AIG1: variants seen among roughly 807,000 people sequenced by gnomAD.
AIG1 encodes the protein androgen-induced gene 1 protein.
In AIG1, 23 loss-of-function variants were observed where a neutral mutation model predicts 31.4. That is an observed-to-expected ratio of 0.73 (90% CI 0.53 to 1.04). AIG1 has a LOEUF of 1.04. AIG1 is among the 50% of genes least tolerant of loss of function. AIG1 has a pLI of 0.00. For synonymous variants in AIG1, 100 were observed against 110.5 expected, an observed-to-expected ratio of 0.90 and a Z score of 0.60; for missense variants, 274 against 295.0, an observed-to-expected ratio of 0.93 and a Z score of 0.52.
intron 1 of AIG1, among the ~76,000 whole-genome samples, chr6:143,106,499 G>A (rs10434868): frequency 0.12 from 18,906 of 152,190 alleles, 3,476 homozygotes; most frequent in African/African-American, 0.41. Context: ...GTCAGGGACT[G>A]TGTCCTGATC....
intron 1 of AIG1, among the ~76,000 whole-genome samples, chr6:143,113,740 G>A: frequency 6.6e-6 from 1 of 151,988 alleles, no homozygotes; most frequent in East Asian, 1.9e-4. Context: ...CACTGTAAAT[G>A]TTTTCTTAAC....
At chr6:143,080,397 A>G (rs1778132795) in intron 1 of AIG1, among the ~76,000 whole-genome samples, 1 of 152,198 alleles carries the variant, frequency 6.6e-6, no homozygotes, top group Non-Finnish European at 1.5e-5. Context: ...AGACAAACGT[A>G]ACAAGGAGGT....
chr6:143,244,501 A>G (rs564485684), intron 3 of AIG1, among the ~76,000 whole-genome samples: 3 of 152,354 alleles, frequency 2.0e-5, no homozygotes, highest in African/African-American at 7.2e-5. Flanking sequence ...AATTCACAGC[A>G]CACTGAGTAG....
intron 3 of AIG1, among the ~76,000 whole-genome samples, chr6:143,224,836 C>T (rs1792812383): frequency 6.6e-6 from 1 of 152,150 alleles, no homozygotes; most frequent in Admixed American, 6.5e-5. Flanking sequence ...GTAATGTTCT[C>T]CCAACCAGGT....
chr6:143,310,465 T>C (rs1457988139), intron 4 of AIG1, among the ~76,000 whole-genome samples: 1 of 151,586 alleles, frequency 6.6e-6, no homozygotes, highest in Non-Finnish European at 1.5e-5. Flanking sequence ...AAAATATAAC[T>C]CACCAAAATT....
chr6:143,117,749 G>A lies in AIG1; in HGVS notation c.142-19086G>A, dbSNP rs527596094. Among the ~76,000 whole-genome samples the A allele has an allele frequency of 5.9e-5, 9 of 152,188 alleles. No homozygotes were observed. The South Asian group carries it at 1.9e-3, about 32-fold the overall frequency. On this transcript the variant is annotated intron_variant, in intron 1 of 5. Transcript: ENST00000357847. ...AGGTAGTGATTGCAGCTGCAAAAGA[G>A]AAGAGCTCCAACGACTGAGCATTGT...
intron 1 of AIG1, among the ~76,000 whole-genome samples, chr6:143,080,432 C>T (rs538579509): frequency 5.3e-5 from 8 of 152,016 alleles, no homozygotes; most frequent in African/African-American, 1.2e-4. Flanking sequence ...TTGAAATGTA[C>T]GGCCTGAAGT....
At chr6:143,171,723 A>G (rs1010861397) in intron 3 of AIG1, among the ~76,000 whole-genome samples, 3 of 151,114 alleles carry the variant, frequency 2.0e-5, no homozygotes, top group Admixed American at 6.7e-5. Flanking sequence ...ATCAAATGGT[A>G]GATCTACTTT....
intron 1 of AIG1, among the ~76,000 whole-genome samples, chr6:143,071,276 CT>C (rs1274901045): frequency 1.3e-5 from 2 of 152,240 alleles, no homozygotes; most frequent in Non-Finnish European, 2.9e-5. Flanking sequence ...TAGTTCGTTC[CT>C]TTTTAATTGC....
chr6:143,095,901 C>CTTTTTTTTTT (rs372161832), intron 1 of AIG1, among the ~76,000 whole-genome samples: 6 of 103,714 alleles, frequency 5.8e-5, no homozygotes, highest in Non-Finnish European at 9.3e-5. Flanking sequence ...GCTACTTTAT[C>CTTTTTTTTTT]TTTTTTTTTT....
intron 1 of AIG1, among the ~76,000 whole-genome samples, chr6:143,106,550 T>G (rs1012112399): frequency 2.0e-5 from 3 of 152,214 alleles, no homozygotes; most frequent in Non-Finnish European, 4.4e-5. Context: ...CTGGTACACT[T>G]AGGCCTCCCC....
chr6:143,172,107 G>A (rs1476737898), intron 3 of AIG1, among the ~76,000 whole-genome samples: 2 of 152,092 alleles, frequency 1.3e-5, no homozygotes, highest in African/African-American at 4.8e-5. Flanking sequence ...AGTATAGATT[G>A]TGAAGATTTT....
At chr6:143,266,870 T>C (rs1352541409) in intron 3 of AIG1, among the ~76,000 whole-genome samples, 1 of 152,098 alleles carries the variant, frequency 6.6e-6, no homozygotes, top group Non-Finnish European at 1.5e-5. Context: ...GAGACCAGGA[T>C]TTCAAGGCTG....
intron 3 of AIG1, chr6:143,188,817 A>G (rs1789519508): frequency 1.6e-5 from 16 of 985,178 alleles, no homozygotes; most frequent in South Asian, 4.7e-5. Flanking sequence ...GGCAATAGCA[A>G]CTTCCCAGAA....
intron 3 of AIG1, among the ~76,000 whole-genome samples, chr6:143,233,221 T>G (rs1031169680): frequency 3.5e-4 from 54 of 152,272 alleles, no homozygotes; most frequent in Admixed American, 3.5e-3. Flanking sequence ...GCACGGACCA[T>G]CAGGGTGGCT....
chr6:143,133,870 G>C (rs1783490866), intron 1 of AIG1, among the ~76,000 whole-genome samples: 1 of 151,952 alleles, frequency 6.6e-6, no homozygotes, highest in Non-Finnish European at 1.5e-5. Context: ...ACAATTAAGT[G>C]GTCTCCAGGT....
chr6:143,088,028 G>A (rs921589046), intron 1 of AIG1, among the ~76,000 whole-genome samples: 11 of 152,164 alleles, frequency 7.2e-5, no homozygotes, highest in African/African-American at 2.7e-4. Flanking sequence ...ATAAAACCTT[G>A]AGCCAGACAT....
At chr6:143,231,445 G>T (rs1259715477) in intron 3 of AIG1, among the ~76,000 whole-genome samples, 1 of 152,186 alleles carries the variant, frequency 6.6e-6, no homozygotes, top group African/African-American at 2.4e-5. Flanking sequence ...CCCAGAAGAG[G>T]TGATACTGAA....
At chr6:143,271,975 C>T (rs752389226) in intron 3 of AIG1, among the ~76,000 whole-genome samples, 2 of 152,172 alleles carry the variant, frequency 1.3e-5, no homozygotes, top group Non-Finnish European at 2.9e-5. Flanking sequence ...GTTCCTTCAA[C>T]AAAAGCTTAG....
Sources: gnomAD v4.1 joint callset for allele counts (sites outside exome capture counted in the v4.1 genomes callset) on GRCh38, gnomAD v4.1.1 for gene constraint, MANE v1.5 for transcripts, NCBI Gene and HGNC (gene_info 2026-07-23, HGNC 2026-07-21) for gene names.